Variants in PHACTR2 observed in about 807,000 individuals in gnomAD.
PHACTR2 encodes the protein phosphatase and actin regulator 2.
Under a neutral mutation model 76.0 loss-of-function variants are expected in PHACTR2, and 30 were observed. That is an observed-to-expected ratio of 0.39 (90% CI 0.30 to 0.54). PHACTR2 has a LOEUF of 0.54. Ranked by LOEUF, PHACTR2 falls within the 20% of genes least tolerant of loss-of-function variation. The pLI is 0.61. For missense variants in PHACTR2, 696 were observed against 781.1 expected (o/e 0.89, Z 1.30); for synonymous variants, 292 against 292.5 (o/e 1.00, Z 0.02).
chr6:143,650,772 G>T (rs1776748777), intron 1 of PHACTR2, among the ~76,000 whole-genome samples: 1 of 152,102 alleles, frequency 6.6e-6, no homozygotes, highest in Non-Finnish European at 1.5e-5. Flanking sequence ...ATAGGCATGG[G>T]CAAAGATTTC....
rs1775535784 is a variant in PHACTR2, at chr6:143,578,352, C to T, written c.217+41145C>T. 6.6e-6 allele frequency among the ~76,000 whole-genome samples: 1 copy of T among 152,152 alleles called. No homozygotes were observed. The highest frequency in any genetic ancestry group is 2.1e-4 in the South Asian group (1 of 4,820). On this transcript the variant is annotated intron_variant, in intron 1 of 11. Transcript: ENST00000367584. The surrounding 1 kb of genome is among the most constrained non-coding windows in gnomAD (Gnocchi z 4.5). Reference sequence around the variant, plus strand: ...TCAACTCTTCTTGGCCCTTAACTTTCCTCAGGGAGGCAGGGGAGGCCAGAA... The same window carrying T: ...TCAACTCTTCTTGGCCCTTAACTTTTCTCAGGGAGGCAGGGGAGGCCAGAA...
Position 143,760,672 on chromosome 6 carries a change from C to T in PHACTR2, c.694+32C>T. 1.2e-6 allele frequency: 2 copies of T among 1,606,156 alleles called. No homozygotes were observed. The highest frequency in any genetic ancestry group is 1.1e-5 in the South Asian group (1 of 90,498). ...ATGCCCCCAGTGCCCTGTGGGGTCA[C>T]TTCTAGGGTGCTTGGCTCTGGGATG... is the stretch of plus-strand genomic sequence containing the variant. On this transcript the variant is annotated intron_variant, in intron 5 of 12. Transcript: ENST00000440869. The surrounding 1 kb of genome is among the most constrained non-coding windows in gnomAD (Gnocchi z 6.4).
intron 4 of PHACTR2, among the ~76,000 whole-genome samples, chr6:143,758,038 G>A (rs182811054): frequency 2.6e-5 from 4 of 152,236 alleles, no homozygotes; most frequent in Non-Finnish European, 4.4e-5. Context: ...AGTTGGTAGC[G>A]TTCGAAGAGT....
rs2128440937 is a variant in PHACTR2 at position 143,625,606 on chromosome 6, A to G, written c.13+17284A>G. 6.6e-6 allele frequency among the ~76,000 whole-genome samples: 1 copy of G among 152,294 alleles called. No homozygotes were observed. Among genetic ancestry groups the G allele is most frequent in the South Asian group, 2.1e-4 (1 of 4,830 alleles). On this transcript the variant is annotated intron_variant, in intron 1 of 11. Coordinates refer to the PHACTR2 transcript ENST00000305766. This position sits in a 1 kb window ranked among gnomAD's most constrained non-coding sequence, Gnocchi z 4.3. ...CACCAGTGACTGTGGGAACTTTGCA[A>G]TTTGCTAAAAATAACTGATGAAGCT...
chr6:143,584,407 C>A (rs999052297), intron 1 of PHACTR2, among the ~76,000 whole-genome samples: 3 of 152,150 alleles, frequency 2.0e-5, no homozygotes, highest in Non-Finnish European at 4.4e-5. Context: ...AAGGGAAGAT[C>A]AACTAGCCTC....
At position 143,561,007 on chromosome 6, in the gene PHACTR2, T is replaced by C. The variant is rs569193912; in HGVS notation, c.217+23800T>C. Among the ~76,000 whole-genome samples the C allele has an allele frequency of 1.2e-4, 18 of 151,664 alleles. No individual in the cohort carries two copies. Among genetic ancestry groups the C allele is most frequent in the African/African-American group, 4.1e-4 (17 of 41,282 alleles). The stretch of plus-strand genomic sequence containing the variant: ...AGAACCAGCAAGGACTCTGGGGGGC[T>C]TTAAGTAATAAACTGGCCAGACTCC... On this transcript the variant is annotated intron_variant, in intron 1 of 11. Transcript: ENST00000367584. The surrounding 1 kb of genome is among the most constrained non-coding windows in gnomAD (Gnocchi z 4.1).
At position 143,624,175 on chromosome 6, in the gene PHACTR2, C is replaced by T. The variant is rs145317713; in HGVS notation, c.13+15853C>T. ...AGGCTGGAGTGCAGTGGCCCAATCT[C>T]GGCTCATTACAACCTCTGCCCCCTG... On this transcript the variant is annotated intron_variant, in intron 1 of 11. Transcript: ENST00000305766. This position sits in a 1 kb window ranked among gnomAD's most constrained non-coding sequence, Gnocchi z 4.6. Among the ~76,000 whole-genome samples, 1,004 of 152,194 alleles carry T rather than the reference C, an allele frequency of 6.6e-3. 7 individuals carry two copies. Among genetic ancestry groups the T allele is most frequent in the South Asian group, 0.027 (128 of 4,814 alleles).
rs71024875 is a variant in PHACTR2 at position 143,751,791 on chromosome 6, T to TAC, written c.296-1930_296-1929dup. On this transcript the variant is annotated intron_variant, in intron 3 of 12. Transcript: ENST00000440869. The surrounding 1 kb of genome is among the most constrained non-coding windows in gnomAD (Gnocchi z 5.7). ...TCCTTTGCTCTGCTTGTATTTTACT[T>TAC]ACACACACACACACACACACACACA... is the stretch of plus-strand genomic sequence containing the variant. Among the ~76,000 whole-genome samples, 11,677 of 140,288 alleles carry TAC rather than the reference T, an allele frequency of 0.083. 1,037 individuals are homozygous for TAC. Among genetic ancestry groups the TAC allele is most frequent in the African/African-American group, 0.23 (8,567 of 37,992 alleles). The allele number at this position is 140,288 out of a possible 152,430, so 92.0% of individuals were successfully genotyped here. A position where few individuals can be genotyped will look rare whatever the true frequency, so the allele number is the denominator to read the frequency against.
intron 1 of PHACTR2, among the ~76,000 whole-genome samples, chr6:143,642,060 A>T (rs1301101157): frequency 1.3e-5 from 2 of 152,232 alleles, no homozygotes; most frequent in Non-Finnish European, 1.5e-5. Flanking sequence ...CTTTAATAAT[A>T]CCAGATCCTT....
intron 1 of PHACTR2, among the ~76,000 whole-genome samples, chr6:143,563,507 G>A (rs1191245620): frequency 7.4e-6 from 1 of 134,974 alleles, no homozygotes; most frequent in Non-Finnish European, 1.5e-5. Context: ...AGTGAGCCAA[G>A]ATCGCGCCAC....
At position 143,608,308 on chromosome 6, in the gene PHACTR2, A is replaced by T. The variant is rs1775913885; in HGVS notation, c.-2A>T. On this transcript the variant is annotated 5_prime_UTR_variant, in exon 1 of 12. Coordinates refer to the PHACTR2 transcript ENST00000305766. The surrounding 1 kb of genome is among the most constrained non-coding windows in gnomAD (Gnocchi z 4.6). Reference sequence around the variant, plus strand: ...CAGAACTCGCCTCGCCACTCCTGAGACATGGACAACGCCGGTGGGTAAATC... The same window carrying T: ...CAGAACTCGCCTCGCCACTCCTGAGTCATGGACAACGCCGGTGGGTAAATC... 3 of 1,614,052 alleles carry T rather than the reference A, an allele frequency of 1.9e-6. No individual in the cohort carries two copies. In the African/African-American group the frequency reaches 4.0e-5, roughly 22 times the overall value.
rs1303183829 is a variant in PHACTR2, at chr6:143,648,475, G to A, written c.13+40153G>A. ...TGGGAGGGGGGGACGAGGAGGAACA[G>A]ACCAAACAAAGCATGGCTGATAGAA... is the stretch of plus-strand genomic sequence containing the variant. On this transcript the variant is annotated intron_variant, in intron 1 of 11. Coordinates refer to the PHACTR2 transcript ENST00000305766. The surrounding 1 kb of genome is among the most constrained non-coding windows in gnomAD (Gnocchi z 6.7). 6.6e-6 allele frequency among the ~76,000 whole-genome samples: 1 copy of A among 152,198 alleles called. No individual in the cohort carries two copies. The highest frequency in any genetic ancestry group is 6.5e-5 in the Admixed American group (1 of 15,278).
chr6:143,716,578 A>G (rs1202554950), intron 2 of PHACTR2, among the ~76,000 whole-genome samples: 1 of 152,196 alleles, frequency 6.6e-6, no homozygotes, highest in Non-Finnish European at 1.5e-5. Context: ...GGCTCAAGCA[A>G]TCTGCCCACC....
chr6:143,772,772 A>C lies in PHACTR2; in HGVS notation c.1432+315A>C, dbSNP rs1775186930. Among the ~76,000 whole-genome samples the C allele has an allele frequency of 6.6e-6, 1 of 152,200 alleles. No individual in the cohort carries two copies. Among genetic ancestry groups the C allele is most frequent in the Non-Finnish European group, 1.5e-5 (1 of 68,032 alleles). ...ACAGAGACCTTTCTCACTATGACCAAAGAGAGCCCTTCCACTCTGGGCCTG... is the reference window on the plus strand; with the variant it reads ...ACAGAGACCTTTCTCACTATGACCACAGAGAGCCCTTCCACTCTGGGCCTG... On this transcript the variant is annotated intron_variant, in intron 7 of 12. Transcript: ENST00000440869. This position sits in a 1 kb window ranked among gnomAD's most constrained non-coding sequence, Gnocchi z 5.4.
chr6:143,812,902 T>A (rs2128485157), intron 12 of PHACTR2, among the ~76,000 whole-genome samples: 1 of 152,326 alleles, frequency 6.6e-6, no homozygotes, highest in African/African-American at 2.4e-5. Flanking sequence ...AAAATAACTC[T>A]CTAAATTCTA....
intron 1 of PHACTR2, among the ~76,000 whole-genome samples, chr6:143,584,073 G>A (rs1008587666): frequency 2.0e-5 from 3 of 152,220 alleles, no homozygotes; most frequent in Admixed American, 6.5e-5. Context: ...CCTGTTAGCT[G>A]TTAATACCTC....
At chr6:143,773,878 C>G (rs1206984050) in intron 7 of PHACTR2, among the ~76,000 whole-genome samples, 181 bp from the exon 8 acceptor site, 1 of 152,104 alleles carries the variant, frequency 6.6e-6, no homozygotes, top group Non-Finnish European at 1.5e-5. Context: ...CGCTTCAGTC[C>G]TCTCAAAATG....
At position 143,794,374 on chromosome 6, in the gene PHACTR2, G is replaced by C. The variant is rs1404249475; in HGVS notation, c.1845+5464G>C. ...GATCAGATTTAAAATATTGTATTAA[G>C]TTAATTCATGTAAAAATTATAATTT... On this transcript the variant is annotated intron_variant, in intron 11 of 12. Transcript: ENST00000440869. This position sits in a 1 kb window ranked among gnomAD's most constrained non-coding sequence, Gnocchi z 4.1. Among the ~76,000 whole-genome samples the C allele has an allele frequency of 1.3e-5, 2 of 151,302 alleles. No individual in the cohort carries two copies. The highest frequency in any genetic ancestry group is 2.4e-5 in the African/African-American group (1 of 41,278).
rs1371741528 is a variant in PHACTR2, at chr6:143,776,547, C to T, written c.1590-781C>T. 6.6e-6 allele frequency among the ~76,000 whole-genome samples: 1 copy of T among 152,194 alleles called. No homozygotes were observed. Among genetic ancestry groups the T allele is most frequent in the Non-Finnish European group, 1.5e-5 (1 of 68,030 alleles). On this transcript the variant is annotated intron_variant, in intron 8 of 12. Transcript: ENST00000440869. The surrounding 1 kb of genome is among the most constrained non-coding windows in gnomAD (Gnocchi z 5.3). ...AGTCCGTAGTCAGGTACCTAGCTAA[C>T]ATCCAGGCCGATCTGTTGCTAGAAG...
Sources: gnomAD v4.1 joint callset for allele counts (sites outside exome capture counted in the v4.1 genomes callset) on GRCh38, gnomAD v4.1.1 for gene constraint, Gnocchi (gnomAD v3.1) non-coding constraint, MANE v1.5 for transcripts, NCBI Gene and HGNC (gene_info 2026-07-23, HGNC 2026-07-21) for gene names.